HBQ1: variants seen among roughly 807,000 people sequenced by gnomAD.
The protein encoded by HBQ1 is hemoglobin subunit theta 1.
HBQ1 carries 9 observed loss-of-function variants against 8.2 expected under a neutral mutation model. That is an observed-to-expected ratio of 1.10 (90% CI 0.66 to 1.92). HBQ1 has a LOEUF of 1.92. HBQ1 is among the 40% of genes most tolerant of loss of function. The probability of loss-of-function intolerance (pLI) is 0.00; values close to 1 mark genes in which losing one functional copy is unlikely to be tolerated. For missense variants in HBQ1, 216 were observed against 189.3 expected, an observed-to-expected ratio of 1.14 and a Z score of -0.83; for synonymous variants, 102 against 100.0, an observed-to-expected ratio of 1.02 and a Z score of -0.12.
Position 180,720 on chromosome 16 carries a change from C to A in HBQ1, c.150C>A (p.Ser50Arg). 2 of 1,596,300 alleles carry A rather than the reference C, an allele frequency of 1.3e-6. No homozygotes were observed. The highest frequency in any genetic ancestry group is 1.7e-6 in the Non-Finnish European group (2 of 1,173,154). ...TKTYFSHLDLSPGSSQVRAHG... is the reference protein window; with the variant it reads ...TKTYFSHLDLRPGSSQVRAHG... ...CCTACTTCTCCCACCTGGACCTGAG[C>A]CCCGGCTCCTCACAAGTCAGAGCCC... The change falls in exon 2 of 3, where the codon AGC becomes AGA. Residue 50 changes from serine to arginine, a missense_variant. Physicochemically the swap from Ser to Arg is moderately radical, Grantham distance 110. Coordinates refer to ENST00000199708, the MANE Select transcript of HBQ1 (RefSeq NM_005331.5).
At position 180,629 on chromosome 16, in the gene HBQ1, GC is replaced by G. The variant is rs754757619; in HGVS notation, c.96-31del. ...GCCCCCAGGGGCCCTCCCTCCCCAA[GC>G]CCCCCGGACGCGCCTCACCCACGTT... On this transcript the variant is annotated intron_variant, in intron 1 of 2. Coordinates refer to ENST00000199708, the MANE Select transcript of HBQ1 (RefSeq NM_005331.5). 2.3e-5 allele frequency: 22 copies of G among 963,128 alleles called. No homozygotes were observed. The South Asian group carries it at 2.4e-4, about 10-fold the overall frequency. The allele number at this position is 963,128 out of a possible 1,614,324, so 59.7% of individuals were successfully genotyped here.
In HBQ1 at chr16:181,130, G is replaced by A; in HGVS notation, c.*22G>A. 6.2e-7 allele frequency: 1 copy of A among 1,611,894 alleles called. No individual in the cohort carries two copies. Among genetic ancestry groups the A allele is most frequent in the African/African-American group, 1.3e-5 (1 of 74,898 alleles). On this transcript the variant is annotated 3_prime_UTR_variant, in exon 3 of 3. Transcript: ENST00000199708. ...CTGAACTGTGGGTGGGTGGCCGCGG[G>A]ATCCCCAGGCGACCTTCCCCGTGTT...
In HBQ1 at chr16:180,486, G is replaced by A; in HGVS notation, c.-1G>A. 3 of 1,508,646 alleles carry A rather than the reference G, an allele frequency of 2.0e-6. No individual in the cohort carries two copies. Among genetic ancestry groups the A allele is most frequent in the Non-Finnish European group, 2.6e-6 (3 of 1,134,016 alleles). 93.5% of individuals were successfully genotyped at this position (1,508,646 alleles called of 1,614,324 possible). A position where few individuals can be genotyped will look rare whatever the true frequency, so the allele number is the denominator to read the frequency against. Reference sequence around the variant, plus strand: ...AGGGCGCGGCGGGTTCCAGCGCGGGGATGGCGCTGTCCGCGGAGGACCGGG... The same window carrying A: ...AGGGCGCGGCGGGTTCCAGCGCGGGAATGGCGCTGTCCGCGGAGGACCGGG... On this transcript the variant is annotated 5_prime_UTR_variant, in exon 1 of 3. Coordinates refer to ENST00000199708, the MANE Select transcript of HBQ1 (RefSeq NM_005331.5).
rs748023581 is a variant in HBQ1, at chr16:181,076, G to C, written c.397G>C (p.Val133Leu). 3 of 1,613,352 alleles carry C rather than the reference G, an allele frequency of 1.9e-6. No individual in the cohort carries two copies. In the African/African-American group the frequency reaches 4.0e-5, roughly 22 times the overall value. ...GTCGCTGGACAAGTTCCTGAGCCACGTTATCTCGGCGCTGGTTTCCGAGTA... is the reference window on the plus strand; with the variant it reads ...GTCGCTGGACAAGTTCCTGAGCCACCTTATCTCGGCGCTGGTTTCCGAGTA... ...QASLDKFLSH[V>L]ISALVSEYR Residue 133 changes from valine to leucine, a missense_variant, in exon 3 of 3, where the codon GTT becomes CTT. By Grantham distance (32) the Val-to-Leu change is conservative. Coordinates refer to ENST00000199708, the MANE Select transcript of HBQ1 (RefSeq NM_005331.5).
At chr16:180,928 GGGGGGCGTGCGGGGCGGGTGCA>G in intron 2 of HBQ1, 30 bp from the exon 3 acceptor site, 1 of 1,514,866 alleles carries the variant, frequency 6.6e-7, no homozygotes, top group Non-Finnish European at 8.8e-7. Context: ...GGGTGGGTGC[GGGGGGCGTGCGGGGCGGGTGCA>G]GGCGAGTGAG....
In HBQ1 at chr16:181,010, G is replaced by T. The variant is rs771741906; in HGVS notation, c.331G>T (p.Ala111Ser). The T allele has an allele frequency of 6.2e-7, 1 of 1,612,038 alleles. No individual in the cohort carries two copies. Among genetic ancestry groups the T allele is most frequent in the East Asian group, 2.2e-5 (1 of 44,776 alleles). ...GGGCCACTGCCTGCTGGTAACCCTCGCCCGGCACTACCCCGGAGACTTCAG... is the reference window on the plus strand; with the variant it reads ...GGGCCACTGCCTGCTGGTAACCCTCTCCCGGCACTACCCCGGAGACTTCAG... ...LLGHCLLVTL[A>S]RHYPGDFSPA... The change falls in exon 3 of 3, where the codon GCC becomes TCC. Residue 111 changes from alanine to serine, a missense_variant. Ala to Ser is a moderately conservative substitution (Grantham distance 99). Coordinates refer to ENST00000199708, the MANE Select transcript of HBQ1 (RefSeq NM_005331.5).
At chr16:180,938 C>G (rs1902251402) in intron 2 of HBQ1, 42 bp from the exon 3 acceptor site, 1 of 1,525,038 alleles carries the variant, frequency 6.6e-7, no homozygotes, top group Non-Finnish European at 8.8e-7. Flanking sequence ...GGGGGGCGTG[C>G]GGGGCGGGTG....
In HBQ1 at chr16:180,795, C is replaced by G. The variant is rs753909539; in HGVS notation, c.225C>G (p.Asp75Glu). ...TGAGCCTCGCCGTGGAGCGCCTGGACGACCTACCCCACGCGCTGTCCGCGC... is the reference window on the plus strand; with the variant it reads ...TGAGCCTCGCCGTGGAGCGCCTGGAGGACCTACCCCACGCGCTGTCCGCGC... ...DALSLAVERL[D>E]DLPHALSALS... The change falls in exon 2 of 3, where the codon GAC becomes GAG. Residue 75 changes from aspartate to glutamate, a missense_variant. By Grantham distance (45) the Asp-to-Glu change is conservative. Transcript: ENST00000199708. The G allele has an allele frequency of 5.4e-5, 84 of 1,562,366 alleles. No homozygotes were observed. The highest frequency in any genetic ancestry group is 6.9e-5 in the Non-Finnish European group (80 of 1,157,356).
Position 180,543 on chromosome 16 carries a change from C to T in HBQ1, c.57C>T (p.Gly19=). The change falls in exon 1 of 3, where the codon GGC becomes GGT. Residue 19 remains glycine (G), a synonymous_variant. Coordinates refer to ENST00000199708, the MANE Select transcript of HBQ1 (RefSeq NM_005331.5). Reference sequence around the variant, plus strand: ...TGCGCGCCCTGTGGAAGAAGCTGGGCAGCAACGTCGGCGTCTACACGACAG... The same window carrying T: ...TGCGCGCCCTGTGGAAGAAGCTGGGTAGCAACGTCGGCGTCTACACGACAG... ...ALVRALWKKL[G]SNVGVYTTEA... is the part of the protein sequence containing the mutation. The T allele has an allele frequency of 1.3e-6, 2 of 1,539,858 alleles. No homozygotes were observed. The highest frequency in any genetic ancestry group is 1.2e-5 in the South Asian group (1 of 83,738).
chr16:180,943 C>T (rs1463852821), intron 2 of HBQ1, 37 bp from the exon 3 acceptor site: 1 of 1,535,742 alleles, frequency 6.5e-7, no homozygotes, highest in Non-Finnish European at 8.8e-7. Flanking sequence ...GCGTGCGGGG[C>T]GGGTGCAGGC....
Position 180,971 on chromosome 16 carries a change from T to C in HBQ1, c.301-9T>C, listed in dbSNP as rs1252054530. ...GTGCAGGCGAGTGAGCCTTGAGCGC[T>C]CGCCGCAGCTCCTGGGCCACTGCCT... On this transcript the variant is annotated splice_polypyrimidine_tract_variant and intron_variant, in intron 2 of 2. Coordinates refer to ENST00000199708, the MANE Select transcript of HBQ1 (RefSeq NM_005331.5). The C allele has an allele frequency of 6.3e-7, 1 of 1,598,890 alleles. No homozygotes were observed. The highest frequency in any genetic ancestry group is 8.5e-7 in the Non-Finnish European group (1 of 1,173,854).
Position 180,552 on chromosome 16 carries a change from C to G in HBQ1, c.66C>G (p.Val22=). The change falls in exon 1 of 3, where the codon GTC becomes GTG. Residue 22 remains valine (V), a synonymous_variant. Transcript: ENST00000199708. ...TGTGGAAGAAGCTGGGCAGCAACGT[C>G]GGCGTCTACACGACAGAGGCCCTGG... ...RALWKKLGSN[V]GVYTTEALER... 1 of 1,540,324 alleles carries G rather than the reference C, an allele frequency of 6.5e-7. No homozygotes were observed. Among genetic ancestry groups the G allele is most frequent in the Non-Finnish European group, 8.7e-7 (1 of 1,145,916 alleles).
rs756875317 is a variant in HBQ1 at position 180,853 on chromosome 16, G to C, written c.283G>C (p.Asp95His). ...CCTGCACGCGTGCCAGCTGCGAGTG[G>C]ACCCGGCCAGCTTCCAGGTGAGCGG... The part of the protein sequence containing the change: ...SHLHACQLRV[D>H]PASFQLLGHC... The change falls in exon 2 of 3, where the codon GAC (aspartate) becomes CAC (histidine). Residue 95 changes from aspartate to histidine, a missense_variant. Asp to His is a moderately conservative substitution (Grantham distance 81, BLOSUM62 -1). Coordinates refer to ENST00000199708, the MANE Select transcript of HBQ1 (RefSeq NM_005331.5). 6.5e-7 allele frequency: 1 copy of C among 1,538,474 alleles called. No individual in the cohort carries two copies. The highest frequency in any genetic ancestry group is 2.4e-5 in the East Asian group (1 of 40,944).
Position 180,519 on chromosome 16 carries a change from G to T in HBQ1, c.33G>T (p.Val11=). 1.3e-6 allele frequency: 2 copies of T among 1,535,394 alleles called. No homozygotes were observed. The highest frequency in any genetic ancestry group is 1.7e-6 in the Non-Finnish European group (2 of 1,144,718). Reference sequence around the variant, plus strand: ...TGTCCGCGGAGGACCGGGCGCTGGTGCGCGCCCTGTGGAAGAAGCTGGGCA... The same window carrying T: ...TGTCCGCGGAGGACCGGGCGCTGGTTCGCGCCCTGTGGAAGAAGCTGGGCA... The part of the protein sequence containing the change: MALSAEDRAL[V]RALWKKLGSN... Residue 11 remains valine (V), a synonymous_variant, in exon 1 of 3, where the codon GTG becomes GTT. Coordinates refer to ENST00000199708, the MANE Select transcript of HBQ1 (RefSeq NM_005331.5).
At chr16:180,894 CCT>C in intron 2 of HBQ1, 24 bp downstream of exon 2, 2 of 1,521,158 alleles carry the variant, frequency 1.3e-6, no homozygotes, top group East Asian at 2.5e-5. Flanking sequence ...GTGCTGGGCC[CCT>C]GTCCCCGGGA....
Position 180,780 on chromosome 16 carries a change from C to T in HBQ1, c.210C>T (p.Ala70=). The change falls in exon 2 of 3, where the codon GCC becomes GCT. Residue 70 remains alanine, a synonymous_variant. Transcript: ENST00000199708. ...AGGTGGCGGACGCGCTGAGCCTCGC[C>T]GTGGAGCGCCTGGACGACCTACCCC... is the stretch of plus-strand genomic sequence containing the variant. ...GQKVADALSL[A]VERLDDLPHA... is the part of the protein sequence containing the mutation. 1.3e-6 allele frequency: 2 copies of T among 1,568,456 alleles called. No individual in the cohort carries two copies. Among genetic ancestry groups the T allele is most frequent in the South Asian group, 1.2e-5 (1 of 86,650 alleles).
In HBQ1 at chr16:180,574, C is replaced by A. The variant is rs1902241032; in HGVS notation, c.88C>A (p.Leu30Met). The A allele has an allele frequency of 1.3e-6, 2 of 1,541,552 alleles. No homozygotes were observed. The highest frequency in any genetic ancestry group is 1.7e-6 in the Non-Finnish European group (2 of 1,145,736). The change falls in exon 1 of 3, where the codon CTG (leucine) becomes ATG (methionine). Residue 30 changes from leucine (L) to methionine (M), a missense_variant. Transcript: ENST00000199708. ...SNVGVYTTEALERTFLAFPAT... is the reference protein window; with the variant it reads ...SNVGVYTTEAMERTFLAFPAT... ...CGTCGGCGTCTACACGACAGAGGCC[C>A]TGGAAAGGTGCGGCAGGCTGGGCGC...
rs775651161 is a variant in HBQ1 at position 181,023 on chromosome 16, C to G, written c.344C>G (p.Pro115Arg). Residue 115 changes from proline (P) to arginine (R), a missense_variant, in exon 3 of 3, where the codon CCC becomes CGC. Coordinates refer to ENST00000199708, the MANE Select transcript of HBQ1 (RefSeq NM_005331.5). Reference protein sequence around the residue: ...CLLVTLARHYPGDFSPALQAS... With the variant: ...CLLVTLARHYRGDFSPALQAS... ...CTGGTAACCCTCGCCCGGCACTACC[C>G]CGGAGACTTCAGCCCCGCGCTGCAG... 8.1e-6 allele frequency: 13 copies of G among 1,612,800 alleles called. No individual in the cohort carries two copies. The highest frequency in any genetic ancestry group is 1.1e-5 in the Non-Finnish European group (13 of 1,179,878).
Position 181,061 on chromosome 16 carries a change from A to G in HBQ1, c.382A>G (p.Lys128Glu), listed in dbSNP as rs1206154004. 5 of 1,613,262 alleles carry G rather than the reference A, an allele frequency of 3.1e-6. No homozygotes were observed. The highest frequency in any genetic ancestry group is 4.2e-6 in the Non-Finnish European group (5 of 1,179,920). ...CCCCGCGCTGCAGGCGTCGCTGGACAAGTTCCTGAGCCACGTTATCTCGGC... is the reference window on the plus strand; with the variant it reads ...CCCCGCGCTGCAGGCGTCGCTGGACGAGTTCCTGAGCCACGTTATCTCGGC... ...FSPALQASLD[K>E]FLSHVISALV... The change falls in exon 3 of 3, where the codon AAG (lysine) becomes GAG (glutamate). Residue 128 changes from lysine (K) to glutamate (E), a missense_variant. Coordinates refer to ENST00000199708, the MANE Select transcript of HBQ1 (RefSeq NM_005331.5).
Sources: allele counts gnomAD v4.1 joint callset, GRCh38; gene constraint gnomAD v4.1.1; transcripts MANE v1.5; gene names NCBI Gene and HGNC (gene_info 2026-07-23, HGNC 2026-07-21).